The following ASB2 variants were observed in gnomAD, a reference collection of about 807,000 sequenced individuals.
ASB2 encodes the protein ankyrin repeat and SOCS box protein 2.
Under a neutral mutation model 62.4 loss-of-function variants are expected in ASB2, and 58 were observed. The ratio of observed to expected loss-of-function variants is 0.93; its 90% confidence interval spans 0.75 to 1.16. The LOEUF (loss-of-function observed/expected upper bound fraction) is 1.16, where lower values mean the gene tolerates loss of function less well. ASB2 is among the 50% of genes most tolerant of loss of function. ASB2 has a pLI of 0.00. For synonymous variants in ASB2, 386 were observed against 385.3 expected, an observed-to-expected ratio of 1.00 and a Z score of -0.02; for missense variants, 928 against 887.9, an observed-to-expected ratio of 1.05 and a Z score of -0.57.
chr14:93,934,527 G>A lies in ASB2; in HGVS notation c.*129C>T. 1.1e-6 allele frequency: 1 copy of A among 871,358 alleles called. No homozygotes were observed. Among genetic ancestry groups the A allele is most frequent in the Non-Finnish European group, 1.8e-6 (1 of 551,268 alleles). 54.0% of individuals were successfully genotyped at this position (871,358 alleles called of 1,614,324 possible). A position where few individuals can be genotyped will look rare whatever the true frequency, so the allele number is the denominator to read the frequency against. The stretch of plus-strand genomic sequence containing the variant: ...GAGACCCAGTGAGATCCTGGTAGCT[G>A]TCCAGGCTGAGAGGGAGGCAGCCTG... On this transcript the variant is annotated 3_prime_UTR_variant, in exon 10 of 10. Transcript: ENST00000555019.
At chr14:93,950,554 G>C (rs1888914264) in intron 6 of ASB2, among the ~76,000 whole-genome samples, 1 of 152,188 alleles carries the variant, frequency 6.6e-6, no homozygotes, top group South Asian at 2.1e-4. Context: ...TCTAAATGTT[G>C]CTTGAGGTTC....
chr14:93,956,308 T>C (rs1197796418), intron 3 of ASB2, among the ~76,000 whole-genome samples: 2 of 152,162 alleles, frequency 1.3e-5, no homozygotes, highest in African/African-American at 4.8e-5. Context: ...AGGCTGTGGG[T>C]GTGGGCATTT....
chr14:93,943,408 G>C (rs1888606828), intron 7 of ASB2, among the ~76,000 whole-genome samples: 1 of 152,232 alleles, frequency 6.6e-6, no homozygotes, highest in Non-Finnish European at 1.5e-5. Flanking sequence ...ACTTTGGGAG[G>C]CTGAGGCGGG....
intron 3 of ASB2, among the ~76,000 whole-genome samples, chr14:93,955,832 T>A (rs1008829086): frequency 2.6e-5 from 4 of 151,798 alleles, no homozygotes; most frequent in Non-Finnish European, 5.9e-5. Context: ...ACCCTAGAGG[T>A]CACGTTGCCC....
chr14:93,962,580 C>T (rs578152703), intron 2 of ASB2, among the ~76,000 whole-genome samples: 4 of 152,140 alleles, frequency 2.6e-5, no homozygotes, highest in South Asian at 2.1e-4. Flanking sequence ...GAGCTTTTTC[C>T]GCAGGAAGCT....
At chr14:93,939,995 T>C (rs1646839540) in intron 7 of ASB2, 1 of 330,722 alleles carries the variant, frequency 3.0e-6, no homozygotes, top group Admixed American at 4.9e-5. Flanking sequence ...GTCTGAGTTC[T>C]TAAAAACCTC....
At chr14:93,951,329 A>C (rs4433745) in intron 5 of ASB2, 85 bp from the exon 6 acceptor site, 926,881 of 1,465,480 alleles carry the variant, frequency 0.63, 296,048 homozygotes, top group East Asian at 0.76. Context: ...CTGTCCATTC[A>C]CTCATCCACT....
chr14:93,937,631 C>T lies in ASB2; in HGVS notation c.1771+67G>A, dbSNP rs947317651. On this transcript the variant is annotated intron_variant, in intron 9 of 9. Transcript: ENST00000555019. ...ACAGGGTTAGGAACAGTCGCACTCC[C>T]TGAGGCCTGGGACTCTGAGTCAGGC... The T allele has an allele frequency of 6.5e-6, 10 of 1,527,550 alleles. No homozygotes were observed. The African/African-American group carries it at 1.1e-4, about 17-fold the overall frequency. 94.6% of individuals were successfully genotyped at this position (1,527,550 alleles called of 1,614,324 possible).
intron 2 of ASB2, chr14:93,957,278 C>G: frequency 8.8e-7 from 1 of 1,130,942 alleles, no homozygotes; most frequent in Non-Finnish European, 1.1e-6. Flanking sequence ...CAGATCCCTG[C>G]GGGGCTGGAT....
chr14:93,950,058 G>A (rs1414454548), intron 6 of ASB2, among the ~76,000 whole-genome samples: 2 of 152,194 alleles, frequency 1.3e-5, no homozygotes. Context: ...GGCTTGGACT[G>A]TGACCAATTA....
At chr14:93,944,443 C>T (rs116820904) in intron 7 of ASB2, among the ~76,000 whole-genome samples, 2 of 152,270 alleles carry the variant, frequency 1.3e-5, no homozygotes, top group Non-Finnish European at 2.9e-5. Flanking sequence ...TGGCAAACAG[C>T]CTTCGGCTCC....
At position 93,956,663 on chromosome 14, in the gene ASB2, C is replaced by T; in HGVS notation, c.311+103G>A. The T allele has an allele frequency of 2.7e-6, 4 of 1,500,564 alleles. No individual in the cohort carries two copies. The Admixed American group carries it at 5.1e-5, about 19-fold the overall frequency. The allele number at this position is 1,500,564 out of a possible 1,614,324, so 93.0% of individuals were successfully genotyped here. A position where few individuals can be genotyped will look rare whatever the true frequency, so the allele number is the denominator to read the frequency against. On this transcript the variant is annotated intron_variant, in intron 3 of 9. Transcript: ENST00000555019. The stretch of plus-strand genomic sequence containing the variant: ...TGCCTGGCAGGTGCCTCCATAGTGC[C>T]CTCTGCCCTCCTGGGGGCTGTGGGC...
At chr14:93,960,550 A>C (rs1017839530) in intron 2 of ASB2, among the ~76,000 whole-genome samples, 1 of 152,108 alleles carries the variant, frequency 6.6e-6, no homozygotes, top group Non-Finnish European at 1.5e-5. Context: ...TCCTGGACTC[A>C]CTCTGGCTGG....
chr14:93,934,991 C>T (rs1299284678), intron 9 of ASB2, among the ~76,000 whole-genome samples, 199 bp from the exon 10 acceptor site: 1 of 152,184 alleles, frequency 6.6e-6, no homozygotes, highest in Non-Finnish European at 1.5e-5. Context: ...CCTCATTGAT[C>T]TGCACAGCCC....
At chr14:93,957,085 G>A in intron 2 of ASB2, 1 of 1,439,206 alleles carries the variant, frequency 6.9e-7, no homozygotes. Flanking sequence ...GGAAGCCCTG[G>A]GAGATTTAAA....
At chr14:93,969,494 A>G (rs974005330) in intron 1 of ASB2, among the ~76,000 whole-genome samples, 2 of 152,082 alleles carry the variant, frequency 1.3e-5, no homozygotes, top group African/African-American at 4.8e-5. Flanking sequence ...CCCTCTTTGG[A>G]CCTCAGTTTC....
At chr14:93,969,218 C>T (rs926678000) in intron 1 of ASB2, among the ~76,000 whole-genome samples, 5 of 152,184 alleles carry the variant, frequency 3.3e-5, no homozygotes, top group Non-Finnish European at 7.3e-5. Flanking sequence ...AACTCCCTGT[C>T]CCTGAACGGA....
rs1889092466 is a variant in ASB2, at chr14:93,954,357, T to C, written c.438A>G (p.Ala146=). Residue 146 remains alanine, a synonymous_variant, in exon 4 of 10, where the codon GCA becomes GCG. Coordinates refer to ENST00000555019, the MANE Select transcript of ASB2 (RefSeq NM_001202429.2). ...TCAGGCAGCCCACCTGGCCATAGTA[T>C]GCGGCCTCGTGCAGCGGCAGCCAGC... The part of the protein sequence containing the change: ...KEGWLPLHEA[A]YYGQVGCLKV... The C allele has an allele frequency of 1.9e-6, 3 of 1,613,812 alleles. No individual in the cohort carries two copies. The highest frequency in any genetic ancestry group is 1.6e-4 in the Middle Eastern group (1 of 6,084).
At chr14:93,964,755 C>T (rs1889531804) in intron 1 of ASB2, 143 bp from the exon 2 acceptor site, 1 of 569,260 alleles carries the variant, frequency 1.8e-6, no homozygotes, top group Non-Finnish European at 3.0e-6. Flanking sequence ...ACCTAACCAC[C>T]TATCCATCTA....
Sources: gnomAD v4.1 joint callset for allele counts (sites outside exome capture counted in the v4.1 genomes callset) on GRCh38, gnomAD v4.1.1 for gene constraint, MANE v1.5 for transcripts, NCBI Gene and HGNC (gene_info 2026-07-23, HGNC 2026-07-21) for gene names.